KCNQ5: variants seen among roughly 807,000 people sequenced by gnomAD.
KCNQ5 encodes potassium voltage-gated channel subfamily Q member 5, also known as potassium voltage-gated channel subfamily KQT member 5.
A neutral mutation model predicts 98.2 loss-of-function variants in KCNQ5; 30 were observed. The observed-to-expected ratio is 0.31, with a 90% CI of 0.23 to 0.41. The LOEUF (loss-of-function observed/expected upper bound fraction) is 0.41, where lower values mean the gene tolerates loss of function less well. KCNQ5 is among the 10% of genes least tolerant of loss of function. The pLI, the probability that KCNQ5 is intolerant of heterozygous loss-of-function variation, is 1.00. For missense variants in KCNQ5, 835 were observed against 1,182.5 expected, an observed-to-expected ratio of 0.71 and a Z score of 4.31; for synonymous variants, 458 against 449.4, an observed-to-expected ratio of 1.02 and a Z score of -0.24.
At chr6:72,694,884 T>A (rs1365468037) in intron 1 of KCNQ5, among the ~76,000 whole-genome samples, 1 of 152,176 alleles carries the variant, frequency 6.6e-6, no homozygotes, top group African/African-American at 2.4e-5. Context: ...TCCCTATGAC[T>A]GTTGATGCCA....
chr6:73,091,946 T>G (rs565588811), intron 5 of KCNQ5, among the ~76,000 whole-genome samples: 12 of 152,162 alleles, frequency 7.9e-5, no homozygotes, highest in Non-Finnish European at 1.5e-4. Flanking sequence ...ACAATATTGA[T>G]TCTACCTATC....
chr6:73,078,241 G>GATC (rs1773615691), intron 5 of KCNQ5, among the ~76,000 whole-genome samples: 3 of 151,688 alleles, frequency 2.0e-5, no homozygotes, highest in Non-Finnish European at 4.4e-5. Flanking sequence ...TTGTTGCATT[G>GATC]ATTTTCCGCT....
rs148417925 is a variant in KCNQ5, at chr6:72,878,488, T to C, written c.399-125420T>C. Among the ~76,000 whole-genome samples, 987 of 152,226 alleles carry C rather than the reference T, an allele frequency of 6.5e-3. 15 individuals are homozygous for C. The highest frequency in any genetic ancestry group is 0.022 in the African/African-American group (926 of 41,518). On this transcript the variant is annotated intron_variant, in intron 1 of 13. Transcript: ENST00000370398. Reference sequence around the variant, plus strand: ...AAGCATTCTCACTTCCTGGTAACAATTACATAGTTCAAATACAACTTTGTT... The same window carrying C: ...AAGCATTCTCACTTCCTGGTAACAACTACATAGTTCAAATACAACTTTGTT...
intron 1 of KCNQ5, among the ~76,000 whole-genome samples, chr6:72,627,606 C>T (rs1373750590): frequency 6.6e-6 from 1 of 152,152 alleles, no homozygotes. Context: ...AAATATGATT[C>T]AAGTGGACTG....
intron 1 of KCNQ5, among the ~76,000 whole-genome samples, chr6:72,810,585 G>T (rs1305125136): frequency 6.6e-6 from 1 of 152,076 alleles, no homozygotes; most frequent in Non-Finnish European, 1.5e-5. Flanking sequence ...TGCTGTGATT[G>T]GAAATGAAAA....
At chr6:72,767,753 A>T (rs1772651537) in intron 1 of KCNQ5, among the ~76,000 whole-genome samples, 1 of 152,084 alleles carries the variant, frequency 6.6e-6, no homozygotes, top group African/African-American at 2.4e-5. Context: ...ACTGTTAGCC[A>T]TCAGTGAAAT....
chr6:72,809,301 G>A (rs1020036287), intron 1 of KCNQ5, among the ~76,000 whole-genome samples: 1 of 149,690 alleles, frequency 6.7e-6, no homozygotes, highest in African/African-American at 2.5e-5. Context: ...TAGATGACGA[G>A]TTAGTGGGTG....
At chr6:73,100,008 T>C (rs771266941) in intron 5 of KCNQ5, among the ~76,000 whole-genome samples, 6 of 152,176 alleles carry the variant, frequency 3.9e-5, no homozygotes, top group South Asian at 2.1e-4. Flanking sequence ...CTGACCACAA[T>C]TGAATGAAAC....
intron 5 of KCNQ5, among the ~76,000 whole-genome samples, chr6:73,094,178 C>A (rs2350368): frequency 0.87 from 132,267 of 151,728 alleles, 58,340 homozygotes; most frequent in South Asian, 0.96. Context: ...TCTTTTTTAA[C>A]TGCTGTTGCT....
At chr6:73,063,702 A>AGAT (rs1184148144) in intron 3 of KCNQ5, among the ~76,000 whole-genome samples, 59 of 124,312 alleles carry the variant, frequency 4.7e-4, no homozygotes, top group East Asian at 1.5e-3. Context: ...ATAGATAGAT[A>AGAT]GATAGATAGA....
intron 1 of KCNQ5, among the ~76,000 whole-genome samples, chr6:72,711,061 A>G (rs148799801): frequency 5.1e-4 from 77 of 152,272 alleles, no homozygotes; most frequent in African/African-American, 1.7e-3. Context: ...ATATGTGGAA[A>G]TTAATTCCCC....
chr6:72,801,600 T>C (rs1213689396), intron 1 of KCNQ5, among the ~76,000 whole-genome samples: 49 of 127,974 alleles, frequency 3.8e-4, no homozygotes, highest in African/African-American at 1.5e-3. Flanking sequence ...TCTGTGTCTT[T>C]TAATTGGAGC....
intron 2 of KCNQ5, among the ~76,000 whole-genome samples, chr6:73,024,444 T>C (rs924779217): frequency 1.3e-5 from 2 of 150,988 alleles, no homozygotes; most frequent in East Asian, 3.9e-4. Context: ...ATCTCAAAGT[T>C]TGGGGTTTGC....
intron 1 of KCNQ5, among the ~76,000 whole-genome samples, chr6:72,738,543 T>C (rs1353491654): frequency 6.6e-6 from 1 of 152,200 alleles, no homozygotes; most frequent in Non-Finnish European, 1.5e-5. Context: ...CTTATGTTTC[T>C]TTATTTCTTT....
chr6:73,091,467 A>G (rs1336508163), intron 5 of KCNQ5, among the ~76,000 whole-genome samples: 1 of 152,178 alleles, frequency 6.6e-6, no homozygotes, highest in Non-Finnish European at 1.5e-5. Context: ...AACTTAAAGT[A>G]TAATAAAAAA....
chr6:73,188,744 G>A (rs530346658), intron 11 of KCNQ5, among the ~76,000 whole-genome samples: 1 of 152,232 alleles, frequency 6.6e-6, no homozygotes, highest in African/African-American at 2.4e-5. Context: ...CAGCATTTTG[G>A]GAGGCTGAGG....
At chr6:72,739,142 T>C (rs1441304322) in intron 1 of KCNQ5, among the ~76,000 whole-genome samples, 1 of 152,166 alleles carries the variant, frequency 6.6e-6, no homozygotes, top group Non-Finnish European at 1.5e-5. Context: ...CTGTACCTTG[T>C]GTGGAGCCAC....
chr6:72,853,221 G>A (rs1582412782), intron 1 of KCNQ5, among the ~76,000 whole-genome samples: 2 of 152,126 alleles, frequency 1.3e-5, no homozygotes, highest in South Asian at 2.1e-4. Flanking sequence ...ATAGACAGTT[G>A]AATAAGACAT....
intron 1 of KCNQ5, among the ~76,000 whole-genome samples, chr6:72,933,965 T>C (rs1167113120): frequency 1.3e-5 from 2 of 152,116 alleles, no homozygotes; most frequent in African/African-American, 2.4e-5. Flanking sequence ...AACAAATAAA[T>C]GTACACCATC....
Sources: gnomAD v4.1 joint callset for allele counts (sites outside exome capture counted in the v4.1 genomes callset) on GRCh38, gnomAD v4.1.1 for gene constraint, MANE v1.5 for transcripts, NCBI Gene and HGNC (gene_info 2026-07-23, HGNC 2026-07-21) for gene names.